NCOR2: variants seen among roughly 807,000 people sequenced by gnomAD.
The protein encoded by NCOR2 is CTG repeat protein 26.
Under a neutral mutation model 262.9 loss-of-function variants are expected in NCOR2, and 81 were observed. The observed-to-expected ratio is 0.31, with a 90% CI of 0.26 to 0.37. NCOR2 has a LOEUF of 0.37. Among genes scored for constraint, NCOR2 ranks in the 10% least tolerant of loss-of-function variants. The pLI, the probability that NCOR2 is intolerant of heterozygous loss-of-function variation, is 1.00. For missense variants in NCOR2, 3,385 were observed against 3,621.4 expected (o/e 0.93, Z 1.68); for synonymous variants, 1,659 against 1,559.3 (o/e 1.06, Z -1.51).
rs888629905 is a variant in NCOR2, at chr12:124,432,135, C to G, written c.883-1348G>C. ...GACATATGACAGACACACACACAGT[C>G]GCAGGCAGACAAACAGATGCACACA... On this transcript the variant is annotated intron_variant, in intron 8 of 46. Transcript: ENST00000405201. The surrounding 1 kb of genome is among the most constrained non-coding windows in gnomAD (Gnocchi z 5.1). Among the ~76,000 whole-genome samples, 1 of 151,678 alleles carries G rather than the reference C, an allele frequency of 6.6e-6. No homozygotes were observed. The highest frequency in any genetic ancestry group is 2.4e-5 in the African/African-American group (1 of 41,268).
intron 1 of NCOR2, among the ~76,000 whole-genome samples, chr12:124,518,893 C>T (rs2050001449): frequency 6.6e-6 from 1 of 152,216 alleles, no homozygotes; most frequent in Non-Finnish European, 1.5e-5. Flanking sequence ...CGGCCTGGTT[C>T]CGAACCCAGG....
In NCOR2 at chr12:124,342,078, CG is replaced by C; in HGVS notation, c.4937-5del. On this transcript the variant is annotated splice_polypyrimidine_tract_variant and splice_region_variant and intron_variant, in intron 33 of 46. Coordinates refer to ENST00000405201, the Ensembl canonical transcript of NCOR2. Reference sequence around the variant, plus strand: ...CGGGGCAGGTAGTAGGCAGCGGCTGCGGGGCAGAGGGGAGCTCATGTGAGGC... The same window carrying C: ...CGGGGCAGGTAGTAGGCAGCGGCTGCGGGCAGAGGGGAGCTCATGTGAGGC... 6.2e-7 allele frequency: 1 copy of C among 1,603,602 alleles called. No homozygotes were observed. The highest frequency in any genetic ancestry group is 8.5e-7 in the Non-Finnish European group (1 of 1,175,446).
chr12:124,375,744 C>A (rs746126110), intron 18 of NCOR2, among the ~76,000 whole-genome samples: 1 of 152,176 alleles, frequency 6.6e-6, no homozygotes, highest in Non-Finnish European at 1.5e-5. Flanking sequence ...CTGTCAAATG[C>A]GGAGAACAGC....
intron 19 of NCOR2, among the ~76,000 whole-genome samples, chr12:124,373,688 GCCCCGGGC>G: frequency 4.6e-5 from 5 of 109,336 alleles, no homozygotes; most frequent in Admixed American, 2.6e-4. Context: ...GTGCGCAGGG[GCCCCGGGC>G]ACAGTGGACA....
At chr12:124,392,467 G>A (rs932319268) in intron 16 of NCOR2, among the ~76,000 whole-genome samples, 5 of 152,108 alleles carry the variant, frequency 3.3e-5, no homozygotes, top group African/African-American at 9.7e-5. Context: ...GCACCGCACC[G>A]TCCCTGCCTG....
At position 124,531,559 on chromosome 12, in the gene NCOR2, C is replaced by T. The variant is rs534001091; in HGVS notation, c.-118+4006G>A. On this transcript the variant is annotated intron_variant, in intron 1 of 46. Transcript: ENST00000404621. This position sits in a 1 kb window ranked among gnomAD's most constrained non-coding sequence, Gnocchi z 4.5. ...GGAGGAAGGGATTGCAGGGAGCCCC[C>T]GCCCAGGGCTGAGCATCCAGGCTGG... 2.9e-3 allele frequency among the ~76,000 whole-genome samples: 441 copies of T among 152,158 alleles called. 7 individuals are homozygous for T. The highest frequency in any genetic ancestry group is 0.01 in the African/African-American group (418 of 41,510).
intron 1 of NCOR2, among the ~76,000 whole-genome samples, chr12:124,556,654 G>A (rs576693885): frequency 5.6e-4 from 86 of 152,292 alleles, no homozygotes; most frequent in African/African-American, 2.0e-3. Flanking sequence ...GAGGTCAGGA[G>A]TTTGAGACCA....
chr12:124,473,558 C>G (rs1410894938), intron 3 of NCOR2, among the ~76,000 whole-genome samples: 1 of 152,064 alleles, frequency 6.6e-6, no homozygotes, highest in Non-Finnish European at 1.5e-5. Context: ...TGAGTTAATA[C>G]TCCTTAATAA....
rs1175421909 is a variant in NCOR2 at position 124,504,167 on chromosome 12, G to A, written c.-117-8799C>T. On this transcript the variant is annotated intron_variant, in intron 1 of 46. Coordinates refer to the NCOR2 transcript ENST00000404621. This position sits in a 1 kb window ranked among gnomAD's most constrained non-coding sequence, Gnocchi z 4.5. Reference sequence around the variant, plus strand: ...TGAGCTGGGTTCGAGGAGAAAGGCCGAGAGGACTCCAGCCTGGGAATCCTC... The same window carrying A: ...TGAGCTGGGTTCGAGGAGAAAGGCCAAGAGGACTCCAGCCTGGGAATCCTC... Among the ~76,000 whole-genome samples the A allele has an allele frequency of 6.6e-6, 1 of 152,188 alleles. No individual in the cohort carries two copies. The highest frequency in any genetic ancestry group is 2.4e-5 in the African/African-American group (1 of 41,440).
At chr12:124,479,547 ACACACAAACGCG>A (rs2047319648) in intron 3 of NCOR2, among the ~76,000 whole-genome samples, 1 of 151,908 alleles carries the variant, frequency 6.6e-6, no homozygotes, top group African/African-American at 2.4e-5. Context: ...ACCCGCACCC[ACACACAAACGCG>A]CACACACACG....
intron 1 of NCOR2, among the ~76,000 whole-genome samples, chr12:124,513,038 G>C (rs1177684701): frequency 6.6e-6 from 1 of 152,164 alleles, no homozygotes; most frequent in Non-Finnish European, 1.5e-5. Context: ...AGGACTCAGC[G>C]AGACCCTGGA....
At chr12:124,430,565 G>A in intron 9 of NCOR2, 50 bp downstream of exon 11, 1 of 1,557,768 alleles carries the variant, frequency 6.4e-7, no homozygotes, top group Non-Finnish European at 8.7e-7. Flanking sequence ...GGATGCTGGA[G>A]CTGACCCCGG....
At chr12:124,519,961 C>A (rs1416498735) in intron 1 of NCOR2, among the ~76,000 whole-genome samples, 1 of 152,212 alleles carries the variant, frequency 6.6e-6, no homozygotes, top group South Asian at 2.1e-4. Context: ...CCGCTATCCA[C>A]GTGGTAATTC....
intron 8 of NCOR2, among the ~76,000 whole-genome samples, chr12:124,436,098 A>T (rs1003601748): frequency 6.6e-6 from 1 of 152,168 alleles, no homozygotes; most frequent in Non-Finnish European, 1.5e-5. Context: ...GTGTCACAGC[A>T]ACTGCGAGCC....
chr12:124,459,661 G>A (rs2046060091), intron 5 of NCOR2, among the ~76,000 whole-genome samples: 1 of 152,298 alleles, frequency 6.6e-6, no homozygotes, highest in Non-Finnish European at 1.5e-5. Context: ...GGAGCAAAGT[G>A]AAGTGCATGT....
At chr12:124,344,932 T>C in exon 32 of NCOR2, 1 of 1,556,544 alleles carries the variant, frequency 6.4e-7, no homozygotes, top group Non-Finnish European at 8.7e-7. Context: ...CGCGCCGGTG[T>C]CGTACTTGAG....
rs1264935376 is a variant in NCOR2 at position 124,428,017 on chromosome 12, C to A, written c.1150-1217G>T. Among the ~76,000 whole-genome samples the A allele has an allele frequency of 3.5e-5, 5 of 143,134 alleles. No homozygotes were observed. The East Asian group carries it at 1.1e-3, about 30-fold the overall frequency. The allele number at this position is 143,134 out of a possible 152,430, so 93.9% of individuals were successfully genotyped here. ...ACAGCATCCTTGATGTCCCTGAGGA[C>A]TCTGATGACTGCATTCCCATGTGGC... On this transcript the variant is annotated intron_variant, in intron 10 of 46. Transcript: ENST00000405201.
At chr12:124,487,008 TCCTACCCCTGC>T (rs1453996590) in intron 1 of NCOR2, among the ~76,000 whole-genome samples, 2 of 152,096 alleles carry the variant, frequency 1.3e-5, no homozygotes, top group Non-Finnish European at 2.9e-5. Flanking sequence ...TCCCACCCCA[TCCTACCCCTGC>T]CAGGCTGTGG....
At chr12:124,494,827 T>C (rs548977858) in intron 1 of NCOR2, among the ~76,000 whole-genome samples, 68 of 152,276 alleles carry the variant, frequency 4.5e-4, no homozygotes, top group South Asian at 2.3e-3. Context: ...GAGGTGAGGC[T>C]AGGCTGCAGG....
Sources: allele counts gnomAD v4.1 joint callset (sites outside exome capture counted in the v4.1 genomes callset), GRCh38; gene constraint gnomAD v4.1.1; non-coding constraint Gnocchi (gnomAD v3.1); transcripts MANE v1.5; gene names NCBI Gene and HGNC (gene_info 2026-07-23, HGNC 2026-07-21).